The following PTPN2 variants were observed in gnomAD, a reference collection of about 807,000 sequenced individuals.
PTPN2 encodes the protein tyrosine-protein phosphatase non-receptor type 2.
Under a neutral mutation model 57.3 loss-of-function variants are expected in PTPN2, and 19 were observed. The observed-to-expected ratio is 0.33, with a 90% CI of 0.23 to 0.49. The LOEUF (loss-of-function observed/expected upper bound fraction) is 0.49, where lower values mean the gene tolerates loss of function less well. Among genes scored for constraint, PTPN2 ranks in the 20% least tolerant of loss-of-function variants. PTPN2 has a pLI of 0.99. For missense variants in PTPN2, 358 were observed against 501.1 expected (o/e 0.71, Z 2.73); for synonymous variants, 153 against 164.9 (o/e 0.93, Z 0.55).
chr18:12,791,761 G>A (rs1310110333), downstream of PTPN2, among the ~76,000 whole-genome samples: 1 of 152,110 alleles, frequency 6.6e-6, no homozygotes, highest in East Asian at 1.9e-4. Flanking sequence ...AAAAATATAT[G>A]CGACACCACC....
chr18:12,858,542 C>G (rs1290193388), intron 2 of PTPN2, among the ~76,000 whole-genome samples: 2 of 70,202 alleles, frequency 2.8e-5, no homozygotes, highest in Non-Finnish European at 7.4e-5. Context: ...ACTGTCAAAG[C>G]AATTAAAAAT....
In PTPN2 at chr18:12,793,075, T is replaced by C. The variant is rs1042492263; in HGVS notation, c.*1203A>G. The C allele has an allele frequency of 1.3e-5, 13 of 985,238 alleles. No individual in the cohort carries two copies. The African/African-American group carries it at 2.3e-4, about 17-fold the overall frequency. The allele number at this position is 985,238 out of a possible 1,614,324, so 61.0% of individuals were successfully genotyped here. A position where few individuals can be genotyped will look rare whatever the true frequency, so the allele number is the denominator to read the frequency against. On this transcript the variant is annotated 3_prime_UTR_variant, in exon 9 of 9. Transcript: ENST00000309660. ...AAGGTATGCTATCCATAATAATGTA[T>C]GCTATCCATGCCTCCTAGCAATTAA...
chr18:12,823,943 G>C (rs1298429771), intron 5 of PTPN2, among the ~76,000 whole-genome samples: 1 of 152,030 alleles, frequency 6.6e-6, no homozygotes, highest in Non-Finnish European at 1.5e-5. Context: ...TTCTCAATAA[G>C]GACTGTTTCA....
chr18:12,844,698 C>T (rs1347877320), intron 2 of PTPN2, among the ~76,000 whole-genome samples: 1 of 152,118 alleles, frequency 6.6e-6, no homozygotes, highest in African/African-American at 2.4e-5. Context: ...CAAGTCTGTA[C>T]TCATCTTTTT....
chr18:12,821,087 C>T (rs2042254761), intron 5 of PTPN2, among the ~76,000 whole-genome samples: 1 of 152,106 alleles, frequency 6.6e-6, no homozygotes, highest in Non-Finnish European at 1.5e-5. Flanking sequence ...AAAATCTATA[C>T]AGCTCTATGA....
downstream of PTPN2, among the ~76,000 whole-genome samples, chr18:12,790,965 A>G (rs947138426): frequency 1.3e-5 from 2 of 149,742 alleles, no homozygotes; most frequent in African/African-American, 5.1e-5. Flanking sequence ...CAAATGTATA[A>G]AGTCTCCTCT....
downstream of PTPN2, among the ~76,000 whole-genome samples, chr18:12,790,128 C>A (rs1421316193): frequency 6.6e-6 from 1 of 151,928 alleles, no homozygotes; most frequent in Admixed American, 6.6e-5. Flanking sequence ...AGTAGAGACC[C>A]AGGCTGATCT....
At chr18:12,835,899 C>G (rs1283379600) in intron 3 of PTPN2, among the ~76,000 whole-genome samples, 1 of 152,024 alleles carries the variant, frequency 6.6e-6, no homozygotes. Context: ...TTTCCATGGG[C>G]TGTTTTTTTT....
intron 2 of PTPN2, among the ~76,000 whole-genome samples, chr18:12,855,877 A>T (rs2043571264): frequency 6.6e-6 from 1 of 152,232 alleles, no homozygotes; most frequent in Non-Finnish European, 1.5e-5. Flanking sequence ...TTAGAGGACA[A>T]AGTAATATGC....
chr18:12,864,402 CTT>C (rs1248951965), intron 1 of PTPN2, among the ~76,000 whole-genome samples: 2 of 144,156 alleles, frequency 1.4e-5, no homozygotes, highest in African/African-American at 2.5e-5. Context: ...ACCTACTTTC[CTT>C]TTTTTTTTTT....
intron 9 of PTPN2, chr18:12,786,668 T>C (rs755706101): frequency 7.9e-5 from 12 of 152,216 alleles, no homozygotes; most frequent in Non-Finnish European, 1.2e-4. Context: ...ATCTAAGTAC[T>C]TGTCAGTATT....
At chr18:12,870,439 GTGTATATATATATATATATAT>G (rs2044207523) in intron 1 of PTPN2, among the ~76,000 whole-genome samples, 3 of 30,370 alleles carry the variant, frequency 9.9e-5, no homozygotes, top group Admixed American at 5.3e-4. Flanking sequence ...ATATATATAT[GTGTATATATATATATATATAT>G]ATAGAGAGAG....
intron 2 of PTPN2, among the ~76,000 whole-genome samples, chr18:12,850,582 G>A (rs1368855360): frequency 1.3e-5 from 2 of 151,926 alleles, no homozygotes; most frequent in Non-Finnish European, 2.9e-5. Context: ...TTGATAAGCA[G>A]TATTTTATAT....
intron 8 of PTPN2, among the ~76,000 whole-genome samples, chr18:12,798,864 A>G (rs1317668572): frequency 6.6e-6 from 1 of 151,868 alleles, no homozygotes; most frequent in Non-Finnish European, 1.5e-5. Context: ...ACTAATTTAT[A>G]CTCCCACCAA....
intron 8 of PTPN2, among the ~76,000 whole-genome samples, chr18:12,796,776 C>T (rs1267580569): frequency 1.2e-4 from 19 of 152,160 alleles, no homozygotes; most frequent in Admixed American, 1.2e-3. Context: ...CTCTCCTGTC[C>T]TCTCATTTCA....
intron 2 of PTPN2, among the ~76,000 whole-genome samples, chr18:12,854,964 A>G (rs1372673480): frequency 1.3e-5 from 2 of 152,170 alleles, no homozygotes; most frequent in Non-Finnish European, 2.9e-5. Context: ...CAGCCCAGCC[A>G]ACATGGTGAA....
At chr18:12,796,439 G>A (rs1288478724) in intron 8 of PTPN2, among the ~76,000 whole-genome samples, 2 of 152,110 alleles carry the variant, frequency 1.3e-5, no homozygotes, top group East Asian at 1.9e-4. Context: ...TCAGACAAGA[G>A]AAATCTGAAT....
intron 7 of PTPN2, among the ~76,000 whole-genome samples, chr18:12,813,425 CTATTTAAAGATTTGG>C (rs1423959165): frequency 6.6e-6 from 1 of 152,108 alleles, no homozygotes; most frequent in Non-Finnish European, 1.5e-5. Flanking sequence ...TATTTTAATG[CTATTTAAAGATTTGG>C]AAAAAATCTT....
intron 8 of PTPN2, 176 bp downstream of exon 8, chr18:12,801,794 C>G: frequency 1.5e-6 from 1 of 651,626 alleles, no homozygotes; most frequent in Non-Finnish European, 2.6e-6. Context: ...GTTTCAAACT[C>G]CTAGACTCAA....
Sources: gnomAD v4.1 joint callset for allele counts (sites outside exome capture counted in the v4.1 genomes callset) on GRCh38, gnomAD v4.1.1 for gene constraint, MANE v1.5 for transcripts, NCBI Gene and HGNC (gene_info 2026-07-23, HGNC 2026-07-21) for gene names.